The following NRG3 variants were observed in gnomAD, a reference collection of about 807,000 sequenced individuals.
NRG3 encodes pro-neuregulin-3, membrane-bound isoform.
Under a neutral mutation model 66.9 loss-of-function variants are expected in NRG3, and 31 were observed. The ratio of observed to expected loss-of-function variants is 0.46; its 90% CI spans 0.35 to 0.63. NRG3 has a LOEUF of 0.63. Among genes scored for constraint, NRG3 ranks in the 20% least tolerant of loss-of-function variants. The pLI is 0.00. For missense variants in NRG3, 910 were observed against 878.9 expected (o/e 1.04, Z -0.45); for synonymous variants, 393 against 359.4 (o/e 1.09, Z -1.06).
intron 4 of NRG3, among the ~76,000 whole-genome samples, chr10:82,946,834 G>A (rs572348337): frequency 1.3e-5 from 2 of 152,136 alleles, no homozygotes; most frequent in South Asian, 4.1e-4. Flanking sequence ...GTTTATGGGA[G>A]TATAATCATA....
At chr10:82,356,425 A>T (rs1420502252) in intron 1 of NRG3, among the ~76,000 whole-genome samples, 7 of 152,214 alleles carry the variant, frequency 4.6e-5, no homozygotes, top group African/African-American at 1.7e-4. Context: ...GTAGCAGTCA[A>T]CTGTGCACCG....
intron 2 of NRG3, among the ~76,000 whole-genome samples, chr10:82,459,405 G>A (rs1325489146): frequency 6.6e-6 from 1 of 152,140 alleles, no homozygotes; most frequent in Non-Finnish European, 1.5e-5. Context: ...GCAAGTGCAA[G>A]TATATGTATT....
At chr10:81,915,096 T>C (rs1845551017) in intron 1 of NRG3, among the ~76,000 whole-genome samples, 1 of 152,218 alleles carries the variant, frequency 6.6e-6, no homozygotes, top group Non-Finnish European at 1.5e-5. Context: ...AGTTTGCTTC[T>C]CATTAAGGGA....
At chr10:82,611,752 A>G (rs2048331031) in intron 2 of NRG3, among the ~76,000 whole-genome samples, 1 of 152,194 alleles carries the variant, frequency 6.6e-6, no homozygotes, top group South Asian at 2.1e-4. Flanking sequence ...TCTTTATAGT[A>G]GCATGATTTA....
intron 1 of NRG3, among the ~76,000 whole-genome samples, chr10:82,019,728 G>A (rs925666563): frequency 5.9e-5 from 9 of 152,100 alleles, no homozygotes; most frequent in Non-Finnish European, 1.0e-4. Flanking sequence ...TTTGCGTAGA[G>A]GTGTTTATAG....
intron 3 of NRG3, among the ~76,000 whole-genome samples, chr10:82,864,553 G>T (rs1241483155): frequency 2.6e-5 from 4 of 152,070 alleles, no homozygotes; most frequent in African/African-American, 4.8e-5. Flanking sequence ...GTTAATTAAT[G>T]CAATGAATTT....
At chr10:82,717,557 G>A (rs995473379) in intron 2 of NRG3, among the ~76,000 whole-genome samples, 5 of 151,754 alleles carry the variant, frequency 3.3e-5, no homozygotes, top group African/African-American at 9.7e-5. Flanking sequence ...CCGCCACCAC[G>A]CTTGGTTAAT....
intron 4 of NRG3, among the ~76,000 whole-genome samples, chr10:82,886,144 G>C (rs1369860713): frequency 6.6e-6 from 1 of 152,212 alleles, no homozygotes; most frequent in Non-Finnish European, 1.5e-5. Flanking sequence ...GGGATTTCCG[G>C]CGTGAGCCAC....
chr10:82,304,511 C>T (rs929788271), intron 1 of NRG3, among the ~76,000 whole-genome samples: 6 of 151,994 alleles, frequency 3.9e-5, no homozygotes, highest in Non-Finnish European at 7.4e-5. Context: ...GAATTTATTT[C>T]TTCTTTATTT....
intron 1 of NRG3, among the ~76,000 whole-genome samples, chr10:81,908,318 A>G (rs1056749461): frequency 1.3e-5 from 2 of 152,064 alleles, no homozygotes; most frequent in African/African-American, 2.4e-5. Context: ...GTCCACACAC[A>G]TTTTTCTAGT....
chr10:81,986,850 T>A (rs927428420), intron 1 of NRG3, among the ~76,000 whole-genome samples: 13 of 152,152 alleles, frequency 8.5e-5, no homozygotes, highest in Admixed American at 5.9e-4. Context: ...AATTTTATTT[T>A]ATTTTATAAT....
chr10:81,948,304 C>G (rs1014893209), intron 1 of NRG3, among the ~76,000 whole-genome samples: 1 of 152,188 alleles, frequency 6.6e-6, no homozygotes, highest in Admixed American at 6.5e-5. Flanking sequence ...TATCAACATT[C>G]CTCACCAGAG....
intron 2 of NRG3, among the ~76,000 whole-genome samples, chr10:82,668,261 A>G (rs759854672): frequency 6.6e-6 from 1 of 152,190 alleles, no homozygotes; most frequent in Non-Finnish European, 1.5e-5. Flanking sequence ...ACTATTTATG[A>G]TACAGTTGGC....
chr10:82,556,692 G>A (rs2044674321), intron 2 of NRG3, among the ~76,000 whole-genome samples: 1 of 152,046 alleles, frequency 6.6e-6, no homozygotes, highest in Non-Finnish European at 1.5e-5. Context: ...TGTTACATAG[G>A]TAATCTCCTG....
chr10:82,047,205 CCT>C (rs2063341491), intron 1 of NRG3, among the ~76,000 whole-genome samples: 1 of 151,406 alleles, frequency 6.6e-6, no homozygotes, highest in Non-Finnish European at 1.5e-5. Context: ...GTCCTGGACT[CCT>C]TTTGGTTGGT....
intron 2 of NRG3, among the ~76,000 whole-genome samples, chr10:82,480,053 A>C (rs1269028779): frequency 6.6e-6 from 1 of 152,224 alleles, no homozygotes; most frequent in Non-Finnish European, 1.5e-5. Context: ...AGAATGCCTA[A>C]TGTTTTTGAG....
At position 82,986,973 on chromosome 10, in the gene NRG3, A is replaced by G. The variant is rs1853475116; in HGVS notation, c.*1368A>G. 1 of 152,194 alleles carries G rather than the reference A, an allele frequency of 6.6e-6. No homozygotes were observed. The highest frequency in any genetic ancestry group is 6.5e-5 in the Admixed American group (1 of 15,286). The allele number at this position is 152,194 out of a possible 1,614,324, so 9.4% of individuals were successfully genotyped here. On this transcript the variant is annotated 3_prime_UTR_variant, in exon 9 of 9. Coordinates refer to ENST00000372141, the MANE Select transcript of NRG3 (RefSeq NM_001010848.4). ...CCAAAAGAACAGTAAATTGTGTTGT[A>G]TGTTCATTTGGAATAAAGCAATATT...
chr10:82,649,257 T>C (rs1182092011), intron 2 of NRG3, among the ~76,000 whole-genome samples: 1 of 152,166 alleles, frequency 6.6e-6, no homozygotes, highest in African/African-American at 2.4e-5. Flanking sequence ...CTCTACCTCC[T>C]GCCTCCCCTT....
chr10:81,920,186 G>C (rs984962279), intron 1 of NRG3, among the ~76,000 whole-genome samples: 17 of 152,092 alleles, frequency 1.1e-4, no homozygotes, highest in Admixed American at 6.5e-5. Flanking sequence ...AGCACGCTGG[G>C]AAAAGGAGGG....
Sources: allele counts gnomAD v4.1 joint callset (sites outside exome capture counted in the v4.1 genomes callset), GRCh38; gene constraint gnomAD v4.1.1; transcripts MANE v1.5; gene names NCBI Gene and HGNC (gene_info 2026-07-23, HGNC 2026-07-21).